The following HIF3A variants were observed in gnomAD, a reference collection of about 807,000 sequenced individuals.
HIF3A encodes the protein hypoxia-inducible factor 3-alpha.
Under a neutral mutation model 67.2 loss-of-function variants are expected in HIF3A, and 41 were observed. The ratio of observed to expected loss-of-function variants is 0.61; its 90% CI spans 0.48 to 0.79. The LOEUF is 0.79. Ranked by LOEUF, HIF3A falls within the 30% of genes least tolerant of loss-of-function variation. The pLI is 0.00. For synonymous variants in HIF3A, 356 were observed against 374.8 expected (o/e 0.95, Z 0.58); for missense variants, 855 against 898.0 (o/e 0.95, Z 0.61).
chr19:46,339,969 G>T lies in HIF3A; in HGVS notation c.*347G>T, dbSNP rs961663078. ...GGAATCAGGGGTGAGGAGGGTTGGGGGGGTCATATCTGTGTTTCCAGGTTC... is the reference window on the plus strand; with the variant it reads ...GGAATCAGGGGTGAGGAGGGTTGGGTGGGTCATATCTGTGTTTCCAGGTTC... On this transcript the variant is annotated 3_prime_UTR_variant, in exon 15 of 15. Coordinates refer to ENST00000377670, the MANE Select transcript of HIF3A (RefSeq NM_152795.4). The T allele has an allele frequency of 6.2e-5, 15 of 243,574 alleles. No individual in the cohort carries two copies. The highest frequency in any genetic ancestry group is 3.3e-4 in the African/African-American group (15 of 44,956). The allele number at this position is 243,574 out of a possible 1,614,324, so 15.1% of individuals were successfully genotyped here.
chr19:46,324,633 T>C (rs1970619737), intron 10 of HIF3A, among the ~76,000 whole-genome samples: 1 of 151,588 alleles, frequency 6.6e-6, no homozygotes, highest in Non-Finnish European at 1.5e-5. Context: ...GTGGGGAGAT[T>C]ATCTGAGGTC....
chr19:46,309,134 C>G lies in HIF3A; in HGVS notation c.562-17C>G. On this transcript the variant is annotated splice_polypyrimidine_tract_variant and intron_variant, in intron 5 of 14. Coordinates refer to ENST00000377670, the MANE Select transcript of HIF3A (RefSeq NM_152795.4). ...CCCAGAGGCACCACTGCCTTGTCCCCTCATCTCGGCCCCCAGGTGCTGAAC... is the reference window on the plus strand; with the variant it reads ...CCCAGAGGCACCACTGCCTTGTCCCGTCATCTCGGCCCCCAGGTGCTGAAC... 10 of 1,605,818 alleles carry G rather than the reference C, an allele frequency of 6.2e-6. No homozygotes were observed. The highest frequency in any genetic ancestry group is 1.1e-5 in the South Asian group (1 of 90,376).
chr19:46,305,075 C>T, intron 2 of HIF3A, 170 bp from the exon 3 acceptor site: 1 of 913,682 alleles, frequency 1.1e-6, no homozygotes, highest in Non-Finnish European at 1.8e-6. Flanking sequence ...CTTCTTGGTC[C>T]TGCTTTCTTC....
chr19:46,336,537 G>A (rs973015355), intron 14 of HIF3A, among the ~76,000 whole-genome samples: 2 of 151,932 alleles, frequency 1.3e-5, no homozygotes, highest in African/African-American at 2.4e-5. Context: ...TTGACTTTGT[G>A]TGTTTGTGTG....
In HIF3A at chr19:46,312,286, CAGGTG is replaced by C; in HGVS notation, c.877+20_877+24del. The C allele has an allele frequency of 1.9e-6, 3 of 1,614,006 alleles. No homozygotes were observed. Among genetic ancestry groups the C allele is most frequent in the Non-Finnish European group, 2.5e-6 (3 of 1,179,980 alleles). On this transcript the variant is annotated intron_variant, in intron 7 of 14. Transcript: ENST00000377670. The stretch of plus-strand genomic sequence containing the variant: ...CACACCTGTATGTATCCCATTTCCC[CAGGTG>C]CGAAGCCAGCTGCCACATGGCCCCC...
chr19:46,328,815 G>A (rs899458617), intron 11 of HIF3A, among the ~76,000 whole-genome samples: 2 of 152,006 alleles, frequency 1.3e-5, no homozygotes, highest in Non-Finnish European at 2.9e-5. Flanking sequence ...CAAACTCCTG[G>A]GCTGAAACAA....
At chr19:46,331,935 G>A (rs1461362042) in intron 13 of HIF3A, among the ~76,000 whole-genome samples, 2 of 151,776 alleles carry the variant, frequency 1.3e-5, no homozygotes, top group African/African-American at 4.8e-5. Context: ...CATGTGGCTG[G>A]TATCTGCAGG....
intron 3 of HIF3A, among the ~76,000 whole-genome samples, chr19:46,305,772 GAAT>G (rs1237738140): frequency 6.6e-6 from 1 of 152,140 alleles, no homozygotes; most frequent in Non-Finnish European, 1.5e-5. Flanking sequence ...AAAAAAAACA[GAAT>G]AATTTGGGGA....
At chr19:46,298,401 A>C (rs1968036383) in intron 1 of HIF3A, 2 of 766,928 alleles carry the variant, frequency 2.6e-6, no homozygotes, top group Non-Finnish European at 3.9e-6. Flanking sequence ...TTTCCTGTGG[A>C]GTCATCTCAC....
chr19:46,329,074 T>G (rs1200217051), intron 11 of HIF3A, 133 bp from the exon 12 acceptor site: 1 of 833,900 alleles, frequency 1.2e-6, no homozygotes, highest in Non-Finnish European at 1.8e-6. Flanking sequence ...TTATACCCAT[T>G]TTACAGATGA....
At chr19:46,303,761 CCA>C (rs1968544673) in intron 1 of HIF3A, 135 bp from the exon 2 acceptor site, 1 of 1,500,040 alleles carries the variant, frequency 6.7e-7, no homozygotes, top group Non-Finnish European at 9.1e-7. Flanking sequence ...CTCGACAGGG[CCA>C]CACATCGAGG....
intron 2 of HIF3A, 22 bp from the exon 3 acceptor site, chr19:46,305,223 A>G (rs1968732389): frequency 6.2e-7 from 1 of 1,613,500 alleles, no homozygotes; most frequent in African/African-American, 1.3e-5. Context: ...AGATGCCCCC[A>G]TCCCCCTGCC....
At chr19:46,306,365 TG>T (rs1223283973) in intron 3 of HIF3A, 1 of 152,050 alleles carries the variant, frequency 6.6e-6, no homozygotes, top group Non-Finnish European at 1.5e-5. Context: ...AGATCAGCAA[TG>T]GGTAGATGCC....
chr19:46,342,993 G>A lies in HIF3A; in HGVS notation c.*3371G>A, dbSNP rs537215891. ...GCACCTGGGGCTCCCTCACCCCTTGGGTGGTTTGCAATCTGAAGACTTCTC... is the reference window on the plus strand; with the variant it reads ...GCACCTGGGGCTCCCTCACCCCTTGAGTGGTTTGCAATCTGAAGACTTCTC... On this transcript the variant is annotated 3_prime_UTR_variant, in exon 15 of 15. Transcript: ENST00000377670. 1 of 152,600 alleles carries A rather than the reference G, an allele frequency of 6.6e-6. No homozygotes were observed. The highest frequency in any genetic ancestry group is 2.4e-5 in the African/African-American group (1 of 41,406). The allele number at this position is 152,600 out of a possible 1,614,324, so 9.5% of individuals were successfully genotyped here. A position where few individuals can be genotyped will look rare whatever the true frequency, so the allele number is the denominator to read the frequency against.
Position 46,303,957 on chromosome 19 carries a change from A to G in HIF3A, c.86A>G (p.Gln29Arg), listed in dbSNP as rs765807165. 32 of 1,605,578 alleles carry G rather than the reference A, an allele frequency of 2.0e-5. No homozygotes were observed. The Admixed American group carries it at 4.4e-4, about 22-fold the overall frequency. Residue 29 changes from glutamine (Q) to arginine (R), a missense_variant, in exon 2 of 15, where the codon CAG (glutamine) becomes CGG (arginine). Transcript: ENST00000377670. ...SRDAARSRRS[Q>R]ETEVLYQLAH... is the part of the protein sequence containing the mutation. ...GATGCGGCCCGCAGCCGGCGCAGCC[A>G]GGAGACCGAGGTGCTGTACCAGCTG...
intron 13 of HIF3A, among the ~76,000 whole-genome samples, chr19:46,331,924 G>C (rs1971263276): frequency 6.6e-6 from 1 of 151,590 alleles, no homozygotes; most frequent in African/African-American, 2.4e-5. Flanking sequence ...GGGAGAAATG[G>C]CATGTGGCTG....
intron 6 of HIF3A, 167 bp from the exon 7 acceptor site, chr19:46,311,994 C>A (rs1969466736): frequency 7.8e-6 from 6 of 767,296 alleles, no homozygotes; most frequent in Non-Finnish European, 1.4e-5. Flanking sequence ...CATTATTCAA[C>A]CCACCACACT....
chr19:46,318,237 G>A (rs1970073147), intron 8 of HIF3A, among the ~76,000 whole-genome samples: 1 of 150,588 alleles, frequency 6.6e-6, no homozygotes, highest in South Asian at 2.1e-4. Context: ...TTGAGACAGA[G>A]CCTTGCTCTG....
chr19:46,336,588 C>T (rs780480426), intron 14 of HIF3A, among the ~76,000 whole-genome samples: 34 of 152,076 alleles, frequency 2.2e-4, no homozygotes, highest in Non-Finnish European at 1.3e-4. Context: ...AATTTCACCA[C>T]GTTGCCCAGG....
Sources: allele counts gnomAD v4.1 joint callset (sites outside exome capture counted in the v4.1 genomes callset), GRCh38; gene constraint gnomAD v4.1.1; transcripts MANE v1.5; gene names NCBI Gene and HGNC (gene_info 2026-07-23, HGNC 2026-07-21).